Variants in TXLNB observed in about 807,000 individuals in gnomAD.
TXLNB encodes beta-taxilin.
In TXLNB, 37 loss-of-function variants were observed where a neutral mutation model predicts 57.4. That is an observed-to-expected ratio of 0.64 (90% CI 0.50 to 0.85). TXLNB has a LOEUF of 0.85. Among genes scored for constraint, TXLNB ranks in the 40% least tolerant of loss-of-function variants. The pLI, the probability that TXLNB is intolerant of heterozygous loss-of-function variation, is 0.00. For missense variants in TXLNB, 848 were observed against 825.6 expected, an observed-to-expected ratio of 1.03 and a Z score of -0.33; for synonymous variants, 302 against 309.6, an observed-to-expected ratio of 0.98 and a Z score of 0.26.
the TXLNB span, among the ~76,000 whole-genome samples, chr6:139,222,983 A>T: frequency 1.2e-4 from 18 of 152,226 alleles, no homozygotes; most frequent in Non-Finnish European, 1.9e-4. Flanking sequence ...GAACAACGGG[A>T]TTAATAAAAT....
chr6:139,294,919 AC>A (rs1292957819), upstream of TXLNB, among the ~76,000 whole-genome samples: 1 of 151,920 alleles, frequency 6.6e-6, no homozygotes, highest in African/African-American at 2.4e-5. Flanking sequence ...AACCCAGGAG[AC>A]AGAGGTTGCA....
At chr6:139,310,213 T>C in the TXLNB span, among the ~76,000 whole-genome samples, 1 of 152,158 alleles carries the variant, frequency 6.6e-6, no homozygotes, top group Admixed American at 6.6e-5. Context: ...GAAAAAATAA[T>C]TGCAAACCCC....
chr6:139,226,225 G>A, the TXLNB span, among the ~76,000 whole-genome samples: 1 of 146,580 alleles, frequency 6.8e-6, no homozygotes, highest in East Asian at 2.1e-4. Context: ...TTGAGCCCAG[G>A]ATGCAGAGGT....
At chr6:139,189,216 C>T in the TXLNB span, among the ~76,000 whole-genome samples, 2 of 152,140 alleles carry the variant, frequency 1.3e-5, no homozygotes, top group East Asian at 1.9e-4. Flanking sequence ...AGGTGACAGG[C>T]GTATTCTGTT....
the TXLNB span, among the ~76,000 whole-genome samples, chr6:139,213,616 A>G: frequency 6.6e-6 from 1 of 152,210 alleles, no homozygotes; most frequent in Non-Finnish European, 1.5e-5. Flanking sequence ...AAGGCAAGAA[A>G]TAACTAAGAT....
chr6:139,215,083 C>T, the TXLNB span, among the ~76,000 whole-genome samples: 3 of 151,940 alleles, frequency 2.0e-5, no homozygotes, highest in Non-Finnish European at 1.5e-5. Flanking sequence ...ATGCCATCCC[C>T]ATCAAGCTAC....
chr6:139,175,968 A>G, the TXLNB span, among the ~76,000 whole-genome samples: 3 of 152,376 alleles, frequency 2.0e-5, no homozygotes, highest in South Asian at 2.1e-4. Context: ...TACAAGTGTT[A>G]GACGCTACTA....
At chr6:139,292,047 TACAC>T (rs139086968), upstream of TXLNB, 6 of 150,640 alleles carry the variant, frequency 4.0e-5, no homozygotes, top group Middle Eastern at 6.8e-3. This position sits in a 1 kb window ranked among gnomAD's most constrained non-coding sequence, Gnocchi z 4.0. Flanking sequence ...AGAAACCCAA[TACAC>T]ACACACACAC....
In TXLNB at chr6:139,288,486, T is replaced by C; in HGVS notation, c.414A>G (p.Leu138=). 3 of 1,613,952 alleles carry C rather than the reference T, an allele frequency of 1.9e-6. No individual in the cohort carries two copies. Among genetic ancestry groups the C allele is most frequent in the Non-Finnish European group, 2.5e-6 (3 of 1,179,934 alleles). Reference sequence around the variant, plus strand: ...AACATAACTACTTGCCTAATCCTTTTAGGATTTTCTTTTCCAATTTTTGCT... The same window carrying C: ...AACATAACTACTTGCCTAATCCTTTCAGGATTTTCTTTTCCAATTTTTGCT... ...NKEQKLEKKI[L]KGLGKEANLL... The change falls in exon 2 of 10, where the codon CTA becomes CTG. Residue 138 remains leucine, a synonymous_variant. Transcript: ENST00000358430.
At chr6:139,159,332 C>T in the TXLNB span, 2 of 152,122 alleles carry the variant, frequency 1.3e-5, no homozygotes, top group Non-Finnish European at 2.9e-5. Flanking sequence ...TTTGTTCCCA[C>T]ATAAGAGGAA....
chr6:139,304,357 G>A, the TXLNB span, among the ~76,000 whole-genome samples: 1 of 152,162 alleles, frequency 6.6e-6, no homozygotes, highest in African/African-American at 2.4e-5. Context: ...CCCATGGAAA[G>A]TATCCAAAAT....
chr6:139,229,568 C>A, the TXLNB span, among the ~76,000 whole-genome samples: 1 of 152,170 alleles, frequency 6.6e-6, no homozygotes, highest in Non-Finnish European at 1.5e-5. Context: ...GGTGATCTGC[C>A]CGCCTTGGCC....
the TXLNB span, among the ~76,000 whole-genome samples, chr6:139,205,553 T>C: frequency 6.6e-6 from 1 of 150,908 alleles, no homozygotes; most frequent in Non-Finnish European, 1.5e-5. Flanking sequence ...GTTTCTACAA[T>C]AGACTAGAAC....
rs1220767787 is a variant in TXLNB, at chr6:139,288,906, A to T, written c.-7T>A. On this transcript the variant is annotated 5_prime_UTR_variant, in exon 2 of 10. Transcript: ENST00000358430. Reference sequence around the variant, plus strand: ...CAGAGTGATTAGCCTCCATCTTGGGAGTAGTATCTAGTGGTAAGCACAGTT... The same window carrying T: ...CAGAGTGATTAGCCTCCATCTTGGGTGTAGTATCTAGTGGTAAGCACAGTT... 2 of 1,608,778 alleles carry T rather than the reference A, an allele frequency of 1.2e-6. No homozygotes were observed. The highest frequency in any genetic ancestry group is 4.5e-5 in the East Asian group (2 of 44,772).
the TXLNB span, among the ~76,000 whole-genome samples, chr6:139,215,445 C>A: frequency 6.6e-6 from 1 of 152,138 alleles, no homozygotes; most frequent in Non-Finnish European, 1.5e-5. Flanking sequence ...GAAACTGGAT[C>A]CCTTCCTTAC....
At chr6:139,175,786 A>G in the TXLNB span, among the ~76,000 whole-genome samples, 3 of 152,174 alleles carry the variant, frequency 2.0e-5, no homozygotes, top group East Asian at 5.8e-4. Context: ...GATTATTTCC[A>G]TGTCTTTAGG....
At position 139,242,807 on chromosome 6, in the gene TXLNB, C is replaced by G. The variant is rs1335874450; in HGVS notation, c.1774G>C (p.Gly592Arg). The change falls in exon 10 of 10, where the codon GGT becomes CGT. Residue 592 changes from glycine to arginine, a missense_variant. Gly to Arg is a moderately radical substitution (Grantham distance 125). Transcript: ENST00000358430. ...TCAGCCTGTGCTCCAACAGGGAGACCCTCGCATTGGGTTTCTGCTCCCAAC... is the reference window on the plus strand; with the variant it reads ...TCAGCCTGTGCTCCAACAGGGAGACGCTCGCATTGGGTTTCTGCTCCCAAC... Reference protein sequence around the residue: ...AGLGAETQCEGLPVGAQADQA... With the variant: ...AGLGAETQCERLPVGAQADQA... 6.2e-7 allele frequency: 1 copy of G among 1,614,088 alleles called. No individual in the cohort carries two copies. The highest frequency in any genetic ancestry group is 1.7e-5 in the Admixed American group (1 of 60,022).
At chr6:139,230,081 A>C in the TXLNB span, among the ~76,000 whole-genome samples, 1 of 152,328 alleles carries the variant, frequency 6.6e-6, no homozygotes, top group East Asian at 1.9e-4. Context: ...GCAGACAATT[A>C]GTTTGTTATA....
the TXLNB span, among the ~76,000 whole-genome samples, chr6:139,212,103 A>T: frequency 2.6e-5 from 4 of 152,224 alleles, no homozygotes; most frequent in Non-Finnish European, 5.9e-5. Flanking sequence ...GCAGGCCAAC[A>T]TTCAAATTCA....
Sources: allele counts gnomAD v4.1 joint callset (sites outside exome capture counted in the v4.1 genomes callset), GRCh38; gene constraint gnomAD v4.1.1; non-coding constraint Gnocchi (gnomAD v3.1); transcripts MANE v1.5; gene names NCBI Gene and HGNC (gene_info 2026-07-23, HGNC 2026-07-21).